ARSJ: variants seen among roughly 807,000 people sequenced by gnomAD.
ARSJ encodes arylsulfatase family member J.
Under a neutral mutation model 35.9 loss-of-function variants are expected in ARSJ, and 26 were observed. The observed-to-expected ratio is 0.72, with a 90% confidence interval of 0.53 to 1.00. The LOEUF (loss-of-function observed/expected upper bound fraction) is 1.00, where lower values mean the gene tolerates loss of function less well. ARSJ is among the 50% of genes least tolerant of loss of function. The probability of loss-of-function intolerance (pLI) is 0.00; values close to 1 mark genes in which losing one functional copy is unlikely to be tolerated. For missense variants in ARSJ, 667 were observed against 723.6 expected (o/e 0.92, Z 0.90); for synonymous variants, 294 against 267.6 (o/e 1.10, Z -0.96).
chr4:113,948,119 G>A (rs938075280), intron 1 of ARSJ, among the ~76,000 whole-genome samples: 5 of 152,034 alleles, frequency 3.3e-5, no homozygotes, highest in African/African-American at 1.2e-4. Flanking sequence ...AATCCAGGAG[G>A]TGGAGGTTGC....
intron 1 of ARSJ, among the ~76,000 whole-genome samples, chr4:113,956,590 G>C (rs189178356): frequency 2.7e-4 from 41 of 152,178 alleles, no homozygotes; most frequent in Middle Eastern, 3.4e-3. Flanking sequence ...AATTAAGAAG[G>C]AGAAACTTGT....
At chr4:113,932,404 A>T (rs1190811706) in intron 1 of ARSJ, among the ~76,000 whole-genome samples, 1 of 152,086 alleles carries the variant, frequency 6.6e-6, no homozygotes, top group African/African-American at 2.4e-5. Context: ...CCCAGAATAC[A>T]TATTATTTTC....
At chr4:113,967,118 T>C (rs1726943590) in intron 1 of ARSJ, among the ~76,000 whole-genome samples, 1 of 152,170 alleles carries the variant, frequency 6.6e-6, no homozygotes, top group Admixed American at 6.6e-5. Context: ...GAGAATTCAT[T>C]GTTATAAAAT....
chr4:113,943,247 C>G (rs1201902909), intron 1 of ARSJ: 4 of 151,982 alleles, frequency 2.6e-5, no homozygotes, highest in African/African-American at 9.7e-5. Context: ...TAAGATTTGA[C>G]TTGTGTCTCC....
At chr4:113,969,606 A>G (rs1233999114) in intron 1 of ARSJ, among the ~76,000 whole-genome samples, 1 of 152,228 alleles carries the variant, frequency 6.6e-6, no homozygotes, top group African/African-American at 2.4e-5. Context: ...TAAGTCAATA[A>G]TAACATTACT....
At chr4:113,948,771 GT>G (rs1406616572) in intron 1 of ARSJ, among the ~76,000 whole-genome samples, 4 of 152,134 alleles carry the variant, frequency 2.6e-5, no homozygotes, top group Non-Finnish European at 5.9e-5. Context: ...ACATGGAGGA[GT>G]TGGCTGTAGC....
chr4:113,908,238 C>A (rs1360692932), intron 1 of ARSJ, among the ~76,000 whole-genome samples: 1 of 152,170 alleles, frequency 6.6e-6, no homozygotes, highest in African/African-American at 2.4e-5. Flanking sequence ...AATGGAATAA[C>A]AATGCTTCCT....
At chr4:113,943,830 G>A (rs1725309768) in intron 1 of ARSJ, among the ~76,000 whole-genome samples, 1 of 151,998 alleles carries the variant, frequency 6.6e-6, no homozygotes. Flanking sequence ...TTCATGAACA[G>A]AGGGAAAGAC....
At chr4:113,919,575 T>C (rs866522943) in intron 1 of ARSJ, among the ~76,000 whole-genome samples, 22 of 152,330 alleles carry the variant, frequency 1.4e-4, no homozygotes, top group Middle Eastern at 3.4e-3. Context: ...TCATGTTCCA[T>C]CATTTGGCTC....
At chr4:113,917,787 G>C (rs913454434) in intron 1 of ARSJ, among the ~76,000 whole-genome samples, 5 of 151,976 alleles carry the variant, frequency 3.3e-5, no homozygotes, top group African/African-American at 4.8e-5. Context: ...ACTTTGAATT[G>C]TTATCCTGTA....
chr4:113,972,564 C>T (rs546486501), intron 1 of ARSJ, among the ~76,000 whole-genome samples: 7 of 152,064 alleles, frequency 4.6e-5, no homozygotes, highest in Non-Finnish European at 5.9e-5. Context: ...GGCTAGAGTG[C>T]GGTGGCCCAA....
Position 113,923,047 on chromosome 4 carries a change from G to A in ARSJ, c.399-19372C>T, listed in dbSNP as rs780577475. Among the ~76,000 whole-genome samples the A allele has an allele frequency of 2.2e-4, 33 of 152,152 alleles. 1 individual carries two copies. The highest frequency in any genetic ancestry group is 3.2e-3 in the Middle Eastern group (1 of 316). On this transcript the variant is annotated intron_variant, in intron 1 of 1. Transcript: ENST00000315366. ...TGAAAAAAGACTGATGTCTCCTGAA[G>A]ATGGAATTCTGCCGGCAGGTTGCCT... is the stretch of plus-strand genomic sequence containing the variant.
At chr4:113,972,091 TCCCCTGC>T (rs1727286287) in intron 1 of ARSJ, among the ~76,000 whole-genome samples, 1 of 152,032 alleles carries the variant, frequency 6.6e-6, no homozygotes, top group African/African-American at 2.4e-5. Flanking sequence ...GAAGACACGT[TCCCCTGC>T]CTTGACAGGC....
At chr4:113,966,223 C>T (rs1262484831) in intron 1 of ARSJ, among the ~76,000 whole-genome samples, 1 of 151,892 alleles carries the variant, frequency 6.6e-6, no homozygotes, top group Non-Finnish European at 1.5e-5. Flanking sequence ...ATATATAATT[C>T]ATGAATTTTT....
At chr4:113,941,647 C>A (rs1273272814) in intron 1 of ARSJ, among the ~76,000 whole-genome samples, 1 of 128,894 alleles carries the variant, frequency 7.8e-6, no homozygotes, top group Non-Finnish European at 1.6e-5. Context: ...GTGTAAGGCA[C>A]CAAATGAAAC....
At chr4:113,943,440 A>G (rs1003027095) in intron 1 of ARSJ, 4 of 151,958 alleles carry the variant, frequency 2.6e-5, no homozygotes, top group South Asian at 4.2e-4. Flanking sequence ...TCTCAAATAC[A>G]TTTTCCTGGG....
At chr4:113,906,699 T>C (rs1351714444) in intron 1 of ARSJ, 2 of 455,664 alleles carry the variant, frequency 4.4e-6, no homozygotes, top group Admixed American at 2.4e-5. Flanking sequence ...TTATTACCTG[T>C]ATGGTTTTGG....
At chr4:113,908,130 A>G (rs2099669328) in intron 1 of ARSJ, among the ~76,000 whole-genome samples, 1 of 152,240 alleles carries the variant, frequency 6.6e-6, no homozygotes, top group South Asian at 2.1e-4. Flanking sequence ...CTAAGGAGAC[A>G]TGACAATTAA....
At chr4:113,937,602 CTG>C (rs1417002314) in intron 1 of ARSJ, among the ~76,000 whole-genome samples, 2 of 152,060 alleles carry the variant, frequency 1.3e-5, no homozygotes, top group African/African-American at 4.8e-5. Flanking sequence ...GTCAAATTGT[CTG>C]TGTTTGCAAT....
Sources: gnomAD v4.1 joint callset for allele counts (sites outside exome capture counted in the v4.1 genomes callset) on GRCh38, gnomAD v4.1.1 for gene constraint, MANE v1.5 for transcripts, NCBI Gene and HGNC (gene_info 2026-07-23, HGNC 2026-07-21) for gene names.